Variants in SLC31A1 observed in about 807,000 individuals in gnomAD.
SLC31A1 encodes the protein high affinity copper uptake protein 1.
In SLC31A1, 5 loss-of-function variants were observed where a neutral mutation model predicts 17.2. The ratio of observed to expected loss-of-function variants is 0.29; its 90% CI spans 0.15 to 0.61. SLC31A1 has a LOEUF of 0.61. SLC31A1 is among the 20% of genes least tolerant of loss of function. SLC31A1 has a pLI of 0.86. For missense variants in SLC31A1, 161 were observed against 241.4 expected (o/e 0.67, Z 2.21); for synonymous variants, 76 against 78.8 (o/e 0.96, Z 0.19).
chr9:113,252,067 C>T (rs1232232116), intron 1 of SLC31A1, among the ~76,000 whole-genome samples: 3 of 152,170 alleles, frequency 2.0e-5, no homozygotes, highest in Non-Finnish European at 2.9e-5. Context: ...CAGGTGCATA[C>T]TTTGAAAGGT....
rs1405616872 is a variant in SLC31A1 at position 113,221,577 on chromosome 9, T to A, written c.-137T>A. ...GGCCTCGGTGGCGGTGGTGGACACGTCGAGCCGGGTAGAAGTGGAGGGGCC... is the reference window on the plus strand; with the variant it reads ...GGCCTCGGTGGCGGTGGTGGACACGACGAGCCGGGTAGAAGTGGAGGGGCC... On this transcript the variant is annotated 5_prime_UTR_variant, in exon 1 of 5. Coordinates refer to ENST00000374212, the MANE Select transcript of SLC31A1 (RefSeq NM_001859.4). 6 of 434,096 alleles carry A rather than the reference T, an allele frequency of 1.4e-5. No individual in the cohort carries two copies. Among genetic ancestry groups the A allele is most frequent in the Non-Finnish European group, 2.6e-5 (6 of 231,074 alleles). The allele number at this position is 434,096 out of a possible 1,614,324, so 26.9% of individuals were successfully genotyped here.
At chr9:113,222,157 T>G (rs539949720) in intron 1 of SLC31A1, among the ~76,000 whole-genome samples, 1 of 152,304 alleles carries the variant, frequency 6.6e-6, no homozygotes, top group East Asian at 1.9e-4. Flanking sequence ...AAGCACTGTG[T>G]GCCCTTACAG....
chr9:113,233,840 AT>A (rs1831425606), intron 1 of SLC31A1, among the ~76,000 whole-genome samples: 1 of 152,234 alleles, frequency 6.6e-6, no homozygotes, highest in South Asian at 2.1e-4. Context: ...ATAATTAATA[AT>A]TGCACAATGT....
At chr9:113,249,838 A>C (rs1193705699) in intron 1 of SLC31A1, among the ~76,000 whole-genome samples, 16 of 152,076 alleles carry the variant, frequency 1.1e-4, no homozygotes, top group Non-Finnish European at 5.9e-5. Context: ...AAGAAAAAAA[A>C]CAGACAACCC....
chr9:113,254,620 C>T (rs985552898), intron 1 of SLC31A1, among the ~76,000 whole-genome samples: 14 of 152,094 alleles, frequency 9.2e-5, no homozygotes, highest in South Asian at 8.3e-4. Flanking sequence ...GTTCCTGGGC[C>T]GGGCACGGTA....
intron 1 of SLC31A1, among the ~76,000 whole-genome samples, chr9:113,222,787 G>A (rs1831298019): frequency 1.3e-5 from 2 of 152,206 alleles, no homozygotes; most frequent in South Asian, 2.1e-4. Flanking sequence ...TGTTGCAGTA[G>A]CTCTGTTTAG....
chr9:113,238,129 G>T (rs546437227), intron 1 of SLC31A1, among the ~76,000 whole-genome samples: 48 of 152,246 alleles, frequency 3.2e-4, no homozygotes, highest in African/African-American at 1.0e-3. Context: ...ATGTTTCCAT[G>T]AGTTTCAGAT....
chr9:113,248,864 A>G (rs2119007507), intron 1 of SLC31A1, among the ~76,000 whole-genome samples: 1 of 152,308 alleles, frequency 6.6e-6, no homozygotes, highest in African/African-American at 2.4e-5. Flanking sequence ...AAGTGAGGAG[A>G]GAAACCCAGC....
rs901011788 is a variant in SLC31A1, at chr9:113,223,121, C to G, written c.-36+1443C>G. 27 of 293,764 alleles carry G rather than the reference C, an allele frequency of 9.2e-5. 1 individual carries two copies. The highest frequency in any genetic ancestry group is 7.9e-4 in the South Asian group (27 of 34,072). The allele number at this position is 293,764 out of a possible 1,614,324, so 18.2% of individuals were successfully genotyped here. A position where few individuals can be genotyped will look rare whatever the true frequency, so the allele number is the denominator to read the frequency against. ...TCTTATCTTGTATTCTTGGGTGGAG[C>G]TGATTTTATCCTGGATGTTTAAGTA... On this transcript the variant is annotated intron_variant, in intron 1 of 4. Transcript: ENST00000374212.
chr9:113,225,653 T>C (rs1460998619), intron 1 of SLC31A1, among the ~76,000 whole-genome samples: 1 of 152,186 alleles, frequency 6.6e-6, no homozygotes, highest in Non-Finnish European at 1.5e-5. Flanking sequence ...GTGAATAAAA[T>C]GAAATGACTG....
In SLC31A1 at chr9:113,257,101, G is replaced by A; in HGVS notation, c.130-12G>A. The A allele has an allele frequency of 2.5e-6, 4 of 1,613,030 alleles. No homozygotes were observed. The highest frequency in any genetic ancestry group is 1.6e-4 in the Middle Eastern group (1 of 6,062). On this transcript the variant is annotated splice_polypyrimidine_tract_variant and intron_variant, in intron 2 of 4. Coordinates refer to ENST00000374212, the MANE Select transcript of SLC31A1 (RefSeq NM_001859.4). ...ATTCATCTCTAACTGACTTGTTTTG[G>A]TTTTCTGGCAGCCTATGACCTTCTA...
At chr9:113,257,328 T>G in intron 3 of SLC31A1, 143 bp downstream of exon 3, 1 of 768,324 alleles carries the variant, frequency 1.3e-6, no homozygotes, top group Non-Finnish European at 2.3e-6. Context: ...TCCTATTTCC[T>G]ACCTAGAAGG....
chr9:113,223,114 G>T, intron 1 of SLC31A1: 1 of 277,008 alleles, frequency 3.6e-6, no homozygotes, highest in Non-Finnish European at 7.4e-6. Context: ...TGTATTCTTG[G>T]GTGGAGCTGA....
At chr9:113,239,321 T>C (rs535765845) in intron 1 of SLC31A1, among the ~76,000 whole-genome samples, 10 of 152,320 alleles carry the variant, frequency 6.6e-5, no homozygotes, top group African/African-American at 2.2e-4. Flanking sequence ...TCTTGTAGAA[T>C]AGTCTTAAGT....
chr9:113,246,758 T>G (rs1049366114), intron 1 of SLC31A1, among the ~76,000 whole-genome samples: 4 of 152,180 alleles, frequency 2.6e-5, no homozygotes, highest in African/African-American at 9.7e-5. Flanking sequence ...CTCCACATTA[T>G]CGTGCCTCAG....
At chr9:113,230,202 C>T (rs756678784) in intron 1 of SLC31A1, among the ~76,000 whole-genome samples, 4 of 152,186 alleles carry the variant, frequency 2.6e-5, no homozygotes, top group Non-Finnish European at 4.4e-5. Context: ...ATAACAATTA[C>T]TAATCTTTTG....
chr9:113,231,779 T>C (rs796530156), intron 1 of SLC31A1, among the ~76,000 whole-genome samples: 57 of 152,338 alleles, frequency 3.7e-4, no homozygotes, highest in African/African-American at 1.3e-3. Flanking sequence ...ATTTAGAAGA[T>C]AGAGTTTGAT....
chr9:113,257,528 A>G (rs1265287930), intron 3 of SLC31A1, among the ~76,000 whole-genome samples: 3 of 126,192 alleles, frequency 2.4e-5, no homozygotes, highest in African/African-American at 9.5e-5. Flanking sequence ...CTTGTCACCC[A>G]GGCTGGAGTG....
chr9:113,243,661 T>G (rs1420566572), intron 1 of SLC31A1, among the ~76,000 whole-genome samples: 1 of 152,136 alleles, frequency 6.6e-6, no homozygotes, highest in Non-Finnish European at 1.5e-5. Context: ...ATCCTCTGAG[T>G]AGTTGGGACT....
Sources: gnomAD v4.1 joint callset for allele counts (sites outside exome capture counted in the v4.1 genomes callset) on GRCh38, gnomAD v4.1.1 for gene constraint, MANE v1.5 for transcripts, NCBI Gene and HGNC (gene_info 2026-07-23, HGNC 2026-07-21) for gene names.